The following ADAMTS14 variants were observed in gnomAD, a reference collection of about 807,000 sequenced individuals.
The protein encoded by ADAMTS14 is ADAM metallopeptidase with thrombospondin type 1 motif 14, also known as A disintegrin and metalloproteinase with thrombospondin motifs 14.
A neutral mutation model predicts 128.6 loss-of-function variants in ADAMTS14; 100 were observed. The observed-to-expected ratio is 0.78, with a 90% CI of 0.66 to 0.92. The LOEUF (loss-of-function observed/expected upper bound fraction) is 0.92, where lower values mean the gene tolerates loss of function less well. Among genes scored for constraint, ADAMTS14 ranks in the 40% least tolerant of loss-of-function variants. The probability of loss-of-function intolerance (pLI) is 0.00; values close to 1 mark genes in which losing one functional copy is unlikely to be tolerated. For synonymous variants in ADAMTS14, 665 were observed against 653.8 expected (o/e 1.02, Z -0.26); for missense variants, 1,562 against 1,658.6 (o/e 0.94, Z 1.01).
chr10:70,750,251 T>A (rs749546886), intron 16 of ADAMTS14, among the ~76,000 whole-genome samples: 4 of 152,138 alleles, frequency 2.6e-5, no homozygotes, highest in Non-Finnish European at 4.4e-5. Flanking sequence ...AAGGCAGTCT[T>A]GGAAATGGAG....
chr10:70,680,794 A>G (rs915800082), intron 2 of ADAMTS14, among the ~76,000 whole-genome samples: 39 of 152,100 alleles, frequency 2.6e-4, no homozygotes, highest in African/African-American at 9.4e-4. Context: ...GGCGTGCACC[A>G]CCATGCCCAG....
chr10:70,750,539 G>A (rs12267389), intron 16 of ADAMTS14, among the ~76,000 whole-genome samples: 3,369 of 152,294 alleles, frequency 0.022, 138 homozygotes, highest in African/African-American at 0.077. Context: ...CTCAGCACTG[G>A]CTGGTGGCAG....
At chr10:70,697,748 T>A (rs1840373589) in intron 2 of ADAMTS14, among the ~76,000 whole-genome samples, 1 of 147,328 alleles carries the variant, frequency 6.8e-6, no homozygotes, top group Non-Finnish European at 1.5e-5. Context: ...TGACCATGTC[T>A]TCTTTGGGTG....
At chr10:70,752,647 C>A (rs368475620) in intron 18 of ADAMTS14, among the ~76,000 whole-genome samples, 12 of 152,188 alleles carry the variant, frequency 7.9e-5, no homozygotes, top group African/African-American at 2.4e-4. Flanking sequence ...TCAGCCTCCA[C>A]CAGGCTTCCC....
At chr10:70,748,115 T>A (rs1842239526) in intron 15 of ADAMTS14, among the ~76,000 whole-genome samples, 1 of 152,178 alleles carries the variant, frequency 6.6e-6, no homozygotes, top group Non-Finnish European at 1.5e-5. Context: ...TGCGTATGTT[T>A]AGTAAGCCTC....
rs376825325 is a variant in ADAMTS14 at position 70,760,693 on chromosome 10, C to T, written c.3512C>T (p.Pro1171Leu). Residue 1171 changes from proline to leucine, a missense_variant, in exon 22 of 22, where the codon CCA becomes CTA. Transcript: ENST00000373207. ...GTQHPFAPET[P>L]IPGASWSISP... ...CAGCATCCCTTTGCCCCTGAGACACCAATCCCTGGAGCATCCTGGAGCATC... is the reference window on the plus strand; with the variant it reads ...CAGCATCCCTTTGCCCCTGAGACACTAATCCCTGGAGCATCCTGGAGCATC... 17 of 1,614,052 alleles carry T rather than the reference C, an allele frequency of 1.1e-5. No homozygotes were observed. The highest frequency in any genetic ancestry group is 1.0e-5 in the Non-Finnish European group (12 of 1,180,022).
rs754217895 is a variant in ADAMTS14, at chr10:70,760,478, C to A, written c.3297C>A (p.Gly1099=). 4 of 1,613,894 alleles carry A rather than the reference C, an allele frequency of 2.5e-6. No individual in the cohort carries two copies. The highest frequency in any genetic ancestry group is 2.2e-5 in the East Asian group (1 of 44,882). The stretch of plus-strand genomic sequence containing the variant: ...TGTCCTGCATCAAGAAGGCCTCGGG[C>A]CCCAACCCTGGCCCAGACCCTGGCC... ...CCVSCIKKAS[G]PNPGPDPGPT... The change falls in exon 22 of 22, where the codon GGC becomes GGA. Residue 1099 remains glycine, a synonymous_variant. Coordinates refer to ENST00000373207, the MANE Select transcript of ADAMTS14 (RefSeq NM_080722.4).
At chr10:70,697,412 CTG>C (rs1474966424) in intron 2 of ADAMTS14, among the ~76,000 whole-genome samples, 2 of 152,242 alleles carry the variant, frequency 1.3e-5, no homozygotes, top group East Asian at 3.8e-4. Flanking sequence ...CTCATTGTCT[CTG>C]TACCTGCCCA....
chr10:70,709,506 T>TG (rs1239537258), intron 4 of ADAMTS14, among the ~76,000 whole-genome samples: 1,562 of 140,500 alleles, frequency 0.011, 41 homozygotes, highest in African/African-American at 0.039. Flanking sequence ...TTTTTTTTTT[T>TG]TTTTTTTTTT....
At chr10:70,734,155 C>A in intron 8 of ADAMTS14, 127 bp downstream of exon 8, 1 of 1,280,040 alleles carries the variant, frequency 7.8e-7, no homozygotes, top group Non-Finnish European at 1.1e-6. Context: ...CTCATCTCGC[C>A]TCCCCGCCAA....
chr10:70,693,440 GATC>G (rs759388196), intron 2 of ADAMTS14, among the ~76,000 whole-genome samples: 25 of 152,310 alleles, frequency 1.6e-4, no homozygotes, highest in Non-Finnish European at 2.6e-4. Flanking sequence ...TGACAATGGT[GATC>G]ATGAGAATCA....
intron 2 of ADAMTS14, among the ~76,000 whole-genome samples, chr10:70,692,600 C>T (rs914978435): frequency 6.6e-6 from 1 of 152,074 alleles, no homozygotes; most frequent in African/African-American, 2.4e-5. Context: ...CACTCTGTGC[C>T]GAAAAGGTGT....
rs150764313 is a variant in ADAMTS14, at chr10:70,674,237, T to C, written c.83-319T>C. Among the ~76,000 whole-genome samples the C allele has an allele frequency of 1.6e-3, 247 of 152,310 alleles. 1 individual carries two copies. The highest frequency in any genetic ancestry group is 5.4e-3 in the African/African-American group (226 of 41,578). ...TTGGCTTTTGGGGAATTTTAGTCCT[T>C]TTCTGGGCAGAGCCCAAGGTCGGAA... On this transcript the variant is annotated intron_variant, in intron 1 of 21. Coordinates refer to ENST00000373207, the MANE Select transcript of ADAMTS14 (RefSeq NM_080722.4).
At chr10:70,691,500 A>AAAAC (rs1554815424) in intron 2 of ADAMTS14, among the ~76,000 whole-genome samples, 1 of 112,882 alleles carries the variant, frequency 8.9e-6, no homozygotes, top group East Asian at 2.1e-4. Context: ...AAAAAAAAAA[A>AAAAC]AAAAAAAAAC....
At chr10:70,676,860 G>C (rs972110797) in intron 2 of ADAMTS14, among the ~76,000 whole-genome samples, 4 of 152,232 alleles carry the variant, frequency 2.6e-5, no homozygotes, top group Admixed American at 2.6e-4. Flanking sequence ...CAAGCCAGCA[G>C]CTGAACTGAA....
chr10:70,755,664 G>A (rs997874162), intron 19 of ADAMTS14, among the ~76,000 whole-genome samples: 1 of 152,206 alleles, frequency 6.6e-6, no homozygotes, highest in Admixed American at 6.5e-5. Context: ...GGCCAACATG[G>A]TGAAACCCCG....
At position 70,728,879 on chromosome 10, in the gene ADAMTS14, T is replaced by G. The variant is rs1480559375; in HGVS notation, c.871-415T>G. Among the ~76,000 whole-genome samples the G allele has an allele frequency of 2.0e-5, 3 of 152,180 alleles. No homozygotes were observed. In the East Asian group the frequency reaches 5.8e-4, roughly 29 times the overall value. On this transcript the variant is annotated intron_variant, in intron 4 of 21. Coordinates refer to ENST00000373207, the MANE Select transcript of ADAMTS14 (RefSeq NM_080722.4). The stretch of plus-strand genomic sequence containing the variant: ...GGCCGGGGTACTGTAGGGCAGACAT[T>G]ATGCCAGTGGCAACTGGAACGGTAC...
Position 70,743,623 on chromosome 10 carries a change from A to G in ADAMTS14, c.2000A>G (p.Asp667Gly), listed in dbSNP as rs1842073628. Residue 667 changes from aspartate (D) to glycine (G), a missense_variant, in exon 13 of 22, where the codon GAT becomes GGT. By Grantham distance (94) the Asp-to-Gly change is moderately conservative. Coordinates refer to ENST00000373207, the MANE Select transcript of ADAMTS14 (RefSeq NM_080722.4). ...GTGTTCATGAACCAGGTGGTTCACG[A>G]TGGGACACGCTGCAGCTACCGGGAC... ...DVVFMNQVVH[D>G]GTRCSYRDPY... The G allele has an allele frequency of 6.2e-7, 1 of 1,612,404 alleles. No homozygotes were observed. Among genetic ancestry groups the G allele is most frequent in the African/African-American group, 1.3e-5 (1 of 74,938 alleles).
At chr10:70,746,389 G>T (rs1842178050) in intron 15 of ADAMTS14, among the ~76,000 whole-genome samples, 1 of 152,236 alleles carries the variant, frequency 6.6e-6, no homozygotes. Flanking sequence ...CACAGACAGA[G>T]AGAGAATAGA....
Sources: allele counts gnomAD v4.1 joint callset (sites outside exome capture counted in the v4.1 genomes callset), GRCh38; gene constraint gnomAD v4.1.1; transcripts MANE v1.5; gene names NCBI Gene and HGNC (gene_info 2026-07-23, HGNC 2026-07-21).